The following FSTL4 variants were observed in gnomAD, a reference collection of about 807,000 sequenced individuals.
The protein encoded by FSTL4 is follistatin like 4, also known as follistatin-related protein 4.
In FSTL4, 28 loss-of-function variants were observed where a neutral mutation model predicts 78.2. The ratio of observed to expected loss-of-function variants is 0.36; its 90% CI spans 0.27 to 0.49. FSTL4 has a LOEUF of 0.49. FSTL4 is among the 20% of genes least tolerant of loss of function. The pLI is 0.98. For missense variants in FSTL4, 922 were observed against 1,084.9 expected, an observed-to-expected ratio of 0.85 and a Z score of 2.11; for synonymous variants, 422 against 440.5, an observed-to-expected ratio of 0.96 and a Z score of 0.53.
intron 5 of FSTL4, among the ~76,000 whole-genome samples, chr5:133,313,336 C>G (rs987536102): frequency 1.1e-4 from 16 of 152,296 alleles, no homozygotes; most frequent in African/African-American, 3.6e-4. Flanking sequence ...GAGCTTCCCC[C>G]CTGCCTGCCT....
At chr5:133,367,738 C>T (rs1309804776) in intron 4 of FSTL4, among the ~76,000 whole-genome samples, 1 of 152,144 alleles carries the variant, frequency 6.6e-6, no homozygotes, top group Non-Finnish European at 1.5e-5. Flanking sequence ...TAGGCCACAT[C>T]AGGAGTTGGA....
the FSTL4 span, among the ~76,000 whole-genome samples, chr5:133,822,370 T>G: frequency 0.99 from 151,064 of 152,340 alleles, 74,914 homozygotes; most frequent in Middle Eastern, 1. Flanking sequence ...GAGGAAGGAA[T>G]AGATCCTTAG....
intron 3 of FSTL4, among the ~76,000 whole-genome samples, chr5:133,465,793 T>A: frequency 6.6e-6 from 1 of 152,160 alleles, no homozygotes; most frequent in East Asian, 1.9e-4. Context: ...AGGAAGAAAG[T>A]CTTAATGAGG....
chr5:133,336,621 G>T (rs1159611847), intron 4 of FSTL4, among the ~76,000 whole-genome samples: 1 of 152,164 alleles, frequency 6.6e-6, no homozygotes, highest in African/African-American at 2.4e-5. Flanking sequence ...TGAAGTCACT[G>T]CCTAGACTTG....
At chr5:133,836,796 G>C in the FSTL4 span, among the ~76,000 whole-genome samples, 1 of 152,312 alleles carries the variant, frequency 6.6e-6, no homozygotes, top group East Asian at 1.9e-4. Flanking sequence ...AGCTTCCGCT[G>C]TTCCTTGGAA....
Position 133,199,732 on chromosome 5 carries a change from G to A in FSTL4, c.1892C>T (p.Pro631Leu), listed in dbSNP as rs1353548708. ...GTGGTGCAGGCCGATGGTCTTGAGG[G>A]GCATCATTGTTTCCAGGTCCACCTT... ...VHKVDLETMM[P>L]LKTIGLHHHG... The change falls in exon 16 of 16, where the codon CCC becomes CTC. Residue 631 changes from proline (P) to leucine (L), a missense_variant. By Grantham distance (98) the Pro-to-Leu change is moderately conservative (BLOSUM62 -3). Coordinates refer to ENST00000265342, the MANE Select transcript of FSTL4 (RefSeq NM_015082.2). The surrounding 1 kb of genome is among the most constrained non-coding windows in gnomAD (Gnocchi z 4.4). The A allele has an allele frequency of 6.2e-7, 1 of 1,605,760 alleles. No homozygotes were observed. Among genetic ancestry groups the A allele is most frequent in the Non-Finnish European group, 8.5e-7 (1 of 1,175,802 alleles).
rs1475590968 is a variant in FSTL4, at chr5:133,593,390, T to G, written c.126+10468A>C. ...CCAGAGCAGTACAGGCTCTGGTGGA[T>G]AAGTTTTGGGAGGGAGTGTTGAAGG... On this transcript the variant is annotated intron_variant, in intron 2 of 15. Transcript: ENST00000265342. Among the ~76,000 whole-genome samples the G allele has an allele frequency of 2.0e-5, 3 of 151,996 alleles. No homozygotes were observed. In the East Asian group the frequency reaches 5.8e-4, roughly 29 times the overall value.
At chr5:133,276,733 T>G (rs577204514) in intron 6 of FSTL4, among the ~76,000 whole-genome samples, 1 of 152,338 alleles carries the variant, frequency 6.6e-6, no homozygotes, top group East Asian at 1.9e-4. Flanking sequence ...GATAGATTTC[T>G]GACAGAGATG....
At chr5:133,204,997 C>CT (rs200410608) in intron 14 of FSTL4, among the ~76,000 whole-genome samples, 22 of 150,124 alleles carry the variant, frequency 1.5e-4, no homozygotes, top group Admixed American at 2.6e-4. Context: ...TGATTTCATA[C>CT]TTTTTTTTTG....
chr5:133,338,255 C>G lies in FSTL4; in HGVS notation c.410-21603G>C, dbSNP rs1754507972. ...TGCCCCTATTCCTGTCTGCTCCATG[C>G]TTAGAGGCCCTGGTGGGGTGTGCTG... On this transcript the variant is annotated intron_variant, in intron 4 of 15. Transcript: ENST00000265342. The surrounding 1 kb of genome is among the most constrained non-coding windows in gnomAD (Gnocchi z 4.0). Among the ~76,000 whole-genome samples the G allele has an allele frequency of 1.3e-5, 2 of 152,174 alleles. No homozygotes were observed. Among genetic ancestry groups the G allele is most frequent in the African/African-American group, 4.8e-5 (2 of 41,430 alleles).
intron 3 of FSTL4, among the ~76,000 whole-genome samples, chr5:133,448,819 C>A (rs1252706082): frequency 6.6e-6 from 1 of 151,952 alleles, no homozygotes; most frequent in Non-Finnish European, 1.5e-5. Flanking sequence ...AGTTTGACAC[C>A]CAAAGGTGAT....
intron 7 of FSTL4, among the ~76,000 whole-genome samples, chr5:133,239,101 C>A (rs1308607302): frequency 6.6e-6 from 1 of 152,210 alleles, no homozygotes; most frequent in Non-Finnish European, 1.5e-5. Context: ...AGCCGGCAAG[C>A]CCCGGGCAGT....
At chr5:133,221,568 T>A (rs933339912) in intron 11 of FSTL4, among the ~76,000 whole-genome samples, 1 of 152,116 alleles carries the variant, frequency 6.6e-6, no homozygotes, top group Non-Finnish European at 1.5e-5. Flanking sequence ...TAGCTCAGCC[T>A]CCTTATTTTA....
At position 133,393,878 on chromosome 5, in the gene FSTL4, G is replaced by T. The variant is rs563353797; in HGVS notation, c.409+6860C>A. ...TCTTAATGACCTGCGGAGCAGGGAAGCCCCGCCCAGCAGTGGCACACGAGG... is the reference window on the plus strand; with the variant it reads ...TCTTAATGACCTGCGGAGCAGGGAATCCCCGCCCAGCAGTGGCACACGAGG... On this transcript the variant is annotated intron_variant, in intron 4 of 15. Coordinates refer to ENST00000265342, the MANE Select transcript of FSTL4 (RefSeq NM_015082.2). Among the ~76,000 whole-genome samples, 53 of 152,388 alleles carry T rather than the reference G, an allele frequency of 3.5e-4. 1 individual carries two copies. In the South Asian group the frequency reaches 0.011, roughly 32 times the overall value.
intron 3 of FSTL4, among the ~76,000 whole-genome samples, chr5:133,406,525 C>T (rs569957600): frequency 5.1e-4 from 77 of 152,328 alleles, no homozygotes; most frequent in Non-Finnish European, 9.6e-4. Context: ...GCTCTGACTA[C>T]AGGCTACCTT....
chr5:133,333,309 C>T lies in FSTL4; in HGVS notation c.410-16657G>A, dbSNP rs1385851722. On this transcript the variant is annotated intron_variant, in intron 4 of 15. Coordinates refer to ENST00000265342, the MANE Select transcript of FSTL4 (RefSeq NM_015082.2). ...AGGAACAGTGAGAGGCCTGGGGCCC[C>T]GGGCAATGGCGATGCAGCCAGGCCG... 4.6e-5 allele frequency among the ~76,000 whole-genome samples: 7 copies of T among 152,212 alleles called. 1 individual carries two copies. The highest frequency in any genetic ancestry group is 2.6e-4 in the Admixed American group (4 of 15,286).
In FSTL4 at chr5:133,392,656, C is replaced by A. The variant is rs375316092; in HGVS notation, c.409+8082G>T. Among the ~76,000 whole-genome samples, 30 of 152,196 alleles carry A rather than the reference C, an allele frequency of 2.0e-4. 1 individual carries two copies. The South Asian group carries it at 6.0e-3, about 31-fold the overall frequency. On this transcript the variant is annotated intron_variant, in intron 4 of 15. Transcript: ENST00000265342. ...TGACAGGGAAGAGATGAAAGGCTAC[C>A]TAGGAGGATGCTGGGACAACAGCTT...
At chr5:133,675,181 C>G in the FSTL4 span, among the ~76,000 whole-genome samples, 3 of 152,044 alleles carry the variant, frequency 2.0e-5, no homozygotes, top group Non-Finnish European at 2.9e-5. Context: ...AAGGCTCTTT[C>G]CATTCATGTG....
At chr5:133,767,940 A>C in the FSTL4 span, among the ~76,000 whole-genome samples, 1 of 152,216 alleles carries the variant, frequency 6.6e-6, no homozygotes, top group Non-Finnish European at 1.5e-5. Flanking sequence ...CTCCGGTGGA[A>C]AAACATTGAC....
Sources: gnomAD v4.1 joint callset for allele counts (sites outside exome capture counted in the v4.1 genomes callset) on GRCh38, gnomAD v4.1.1 for gene constraint, Gnocchi (gnomAD v3.1) non-coding constraint, MANE v1.5 for transcripts, NCBI Gene and HGNC (gene_info 2026-07-23, HGNC 2026-07-21) for gene names.